Variants in GPBP1 observed in about 807,000 individuals in gnomAD.
GPBP1 encodes GC-rich promoter binding protein 1.
In GPBP1, 13 loss-of-function variants were observed where a neutral mutation model predicts 56.5. The ratio of observed to expected loss-of-function variants is 0.23; its 90% CI spans 0.15 to 0.37. GPBP1 has a LOEUF of 0.37. GPBP1 is among the 10% of genes least tolerant of loss of function. The probability of loss-of-function intolerance (pLI) is 1.00; values close to 1 mark genes in which losing one functional copy is unlikely to be tolerated. For synonymous variants in GPBP1, 204 were observed against 188.9 expected (o/e 1.08, Z -0.66); for missense variants, 477 against 572.3 (o/e 0.83, Z 1.70).
At position 57,177,940 on chromosome 5, in the gene GPBP1, A is replaced by C. The variant is rs542143517; in HGVS notation, c.-58+1540A>C. On this transcript the variant is annotated intron_variant, in intron 2 of 11. Coordinates refer to ENST00000506184, the MANE Select transcript of GPBP1 (RefSeq NM_022913.4). The stretch of plus-strand genomic sequence containing the variant: ...AGAGTGAAAGTGGTAGTAAATGTAA[A>C]ATAGAGTTTTTTTTCTCTGAAATTG... Among the ~76,000 whole-genome samples the C allele has an allele frequency of 5.9e-5, 9 of 152,138 alleles. No homozygotes were observed. In the South Asian group the frequency reaches 1.9e-3, roughly 32 times the overall value.
At chr5:57,201,451 T>C (rs551899127) in intron 2 of GPBP1, among the ~76,000 whole-genome samples, 2 of 152,120 alleles carry the variant, frequency 1.3e-5, no homozygotes, top group Non-Finnish European at 2.9e-5. Flanking sequence ...AACTCCTAAG[T>C]GCTGGAATTA....
intron 2 of GPBP1, among the ~76,000 whole-genome samples, chr5:57,187,002 AAGT>A: frequency 1.7e-5 from 2 of 119,266 alleles, no homozygotes; most frequent in African/African-American, 6.6e-5. Context: ...GGACTCAGAG[AAGT>A]GTGTGTGTGT....
intron 3 of GPBP1, chr5:57,221,365 TTTG>T (rs1385808945): frequency 7.9e-6 from 12 of 1,528,174 alleles, no homozygotes; most frequent in East Asian, 2.5e-5. Flanking sequence ...GATCTTATCA[TTTG>T]TTAATAGGTC....
chr5:57,219,450 A>C (rs1310744626), intron 3 of GPBP1, among the ~76,000 whole-genome samples: 2 of 150,914 alleles, frequency 1.3e-5, no homozygotes, highest in African/African-American at 2.4e-5. Flanking sequence ...CACACACACA[A>C]AAAACAAATA....
intron 2 of GPBP1, among the ~76,000 whole-genome samples, chr5:57,200,540 TG>T: frequency 6.6e-6 from 1 of 151,784 alleles, no homozygotes; most frequent in East Asian, 2.0e-4. Flanking sequence ...GCTAATTTTT[TG>T]TATCTTTAGT....
rs535950855 is a variant in GPBP1 at position 57,202,243 on chromosome 5, C to G, written c.-57-11831C>G. Among the ~76,000 whole-genome samples the G allele has an allele frequency of 3.3e-5, 5 of 152,162 alleles. No homozygotes were observed. The East Asian group carries it at 5.8e-4, about 18-fold the overall frequency. Reference sequence around the variant, plus strand: ...CAAGCAGTCGGGCTGCCTTGGCCTCCCAAAGTGCTAGGATTGTAGGCATGA... The same window carrying G: ...CAAGCAGTCGGGCTGCCTTGGCCTCGCAAAGTGCTAGGATTGTAGGCATGA... On this transcript the variant is annotated intron_variant, in intron 2 of 11. Coordinates refer to ENST00000506184, the MANE Select transcript of GPBP1 (RefSeq NM_022913.4).
chr5:57,176,668 A>G (rs890707284), intron 2 of GPBP1, among the ~76,000 whole-genome samples: 3 of 152,324 alleles, frequency 2.0e-5, no homozygotes, highest in East Asian at 1.9e-4. Context: ...CTAAATTCGT[A>G]TGGCCGGTAT....
At chr5:57,210,094 T>C (rs1056075722) in intron 2 of GPBP1, among the ~76,000 whole-genome samples, 2 of 152,214 alleles carry the variant, frequency 1.3e-5, no homozygotes, top group African/African-American at 4.8e-5. Context: ...ACAAATTTGG[T>C]AGGGTCAGAA....
intron 10 of GPBP1, among the ~76,000 whole-genome samples, chr5:57,257,724 G>A (rs1303953467): frequency 6.6e-6 from 1 of 152,076 alleles, no homozygotes; most frequent in Non-Finnish European, 1.5e-5. Context: ...TGAATTGCTG[G>A]GATTACAGGC....
chr5:57,194,796 C>T lies in GPBP1; in HGVS notation c.-58+18396C>T, dbSNP rs181000690. 2.0e-5 allele frequency among the ~76,000 whole-genome samples: 3 copies of T among 152,258 alleles called. No homozygotes were observed. The East Asian group carries it at 5.8e-4, about 29-fold the overall frequency. ...GTTATTTCATTTAACATACTGTCCT[C>T]TGGTTCCATCCTTGTTGTTGCAAAC... On this transcript the variant is annotated intron_variant, in intron 2 of 11. Coordinates refer to ENST00000506184, the MANE Select transcript of GPBP1 (RefSeq NM_022913.4).
intron 3 of GPBP1, among the ~76,000 whole-genome samples, chr5:57,224,189 C>G (rs896828265): frequency 6.6e-6 from 1 of 151,502 alleles, no homozygotes; most frequent in Non-Finnish European, 1.5e-5. Flanking sequence ...GACTATGGCC[C>G]AGGCTGGAGT....
At chr5:57,261,116 T>C (rs1348456010) in intron 10 of GPBP1, 64 bp from the exon 11 acceptor site, 53 of 997,218 alleles carry the variant, frequency 5.3e-5, no homozygotes, top group Non-Finnish European at 7.5e-5. Flanking sequence ...TTATACATAA[T>C]GTAAATGATA....
intron 8 of GPBP1, 74 bp from the exon 9 acceptor site, chr5:57,249,335 T>C: frequency 9.2e-7 from 1 of 1,087,930 alleles, no homozygotes. Context: ...TAGGAAGCTG[T>C]GGTAGTAGTG....
intron 10 of GPBP1, 71 bp downstream of exon 10, chr5:57,251,212 G>A (rs1253866019): frequency 2.8e-5 from 36 of 1,306,342 alleles, no homozygotes; most frequent in Non-Finnish European, 3.2e-5. Context: ...GAGTTTTTAC[G>A]TGATTTAACA....
intron 2 of GPBP1, among the ~76,000 whole-genome samples, chr5:57,209,356 A>C (rs912148969): frequency 5.9e-5 from 9 of 152,152 alleles, no homozygotes. Context: ...AGTGCTTTTC[A>C]CAGGTGCCAT....
At chr5:57,179,347 T>TTGTG (rs57689384) in intron 2 of GPBP1, among the ~76,000 whole-genome samples, 83 of 149,478 alleles carry the variant, frequency 5.6e-4, no homozygotes, top group African/African-American at 1.8e-3. Context: ...TTAGCTAAAA[T>TTGTG]TGTGTGTGTG....
At chr5:57,182,480 C>T (rs1754097161) in intron 2 of GPBP1, among the ~76,000 whole-genome samples, 1 of 151,922 alleles carries the variant, frequency 6.6e-6, no homozygotes, top group Non-Finnish European at 1.5e-5. Flanking sequence ...TCAAGTGATT[C>T]TCCTGCCTCA....
intron 2 of GPBP1, among the ~76,000 whole-genome samples, chr5:57,182,823 AT>A (rs1238848377): frequency 2.0e-5 from 3 of 152,136 alleles, no homozygotes; most frequent in Non-Finnish European, 4.4e-5. Flanking sequence ...AGCTGGGACT[AT>A]AGGCGCATGT....
Position 57,182,921 on chromosome 5 carries a change from G to A in GPBP1, c.-58+6521G>A, listed in dbSNP as rs140197863. Among the ~76,000 whole-genome samples, 1,313 of 152,278 alleles carry A rather than the reference G, an allele frequency of 8.6e-3. 8 individuals carry two copies. Among genetic ancestry groups the A allele is most frequent in the South Asian group, 0.015 (71 of 4,822 alleles). ...TAGTCTCGAACTCCTAATCTCAAGT[G>A]TTCCTCCTGCCTTGGCCTCCCAAAC... On this transcript the variant is annotated intron_variant, in intron 2 of 11. Transcript: ENST00000506184.
Sources: allele counts gnomAD v4.1 joint callset (sites outside exome capture counted in the v4.1 genomes callset), GRCh38; gene constraint gnomAD v4.1.1; transcripts MANE v1.5; gene names NCBI Gene and HGNC (gene_info 2026-07-23, HGNC 2026-07-21).